Variants in ZFHX3 observed in about 807,000 individuals in gnomAD.
ZFHX3 encodes zinc finger homeobox protein 3.
In ZFHX3, 42 loss-of-function variants were observed where a neutral mutation model predicts 279.1. The ratio of observed to expected loss-of-function variants is 0.15; its 90% CI spans 0.12 to 0.19. The LOEUF is 0.19. ZFHX3 is among the 10% of genes least tolerant of loss of function. ZFHX3 has a pLI of 1.00. For synonymous variants in ZFHX3, 2,293 were observed against 1,957.8 expected, an observed-to-expected ratio of 1.17 and a Z score of -4.52; for missense variants, 4,981 against 4,754.0, an observed-to-expected ratio of 1.05 and a Z score of -1.40.
chr16:73,545,704 G>C (rs1196782443), intron 2 of ZFHX3, among the ~76,000 whole-genome samples: 5 of 151,622 alleles, frequency 3.3e-5, no homozygotes, highest in African/African-American at 1.2e-4. Context: ...GTTTCCTCCT[G>C]GTTGTTATTT....
chr16:73,719,303 G>C (rs1012671043), intron 1 of ZFHX3, among the ~76,000 whole-genome samples: 5 of 152,154 alleles, frequency 3.3e-5, no homozygotes, highest in Admixed American at 2.0e-4. Context: ...GTGAGATCAG[G>C]CTGCTGTCTC....
At chr16:73,355,333 C>G (rs543477326) in intron 3 of ZFHX3, among the ~76,000 whole-genome samples, 5 of 152,142 alleles carry the variant, frequency 3.3e-5, no homozygotes, top group Admixed American at 6.5e-5. Context: ...TAAGAGGAAA[C>G]CTGGCTTAAA....
intron 3 of ZFHX3, among the ~76,000 whole-genome samples, chr16:73,411,747 T>G (rs555752363): frequency 6.6e-6 from 1 of 152,356 alleles, no homozygotes; most frequent in East Asian, 1.9e-4. Flanking sequence ...TGACTGAAGC[T>G]TAGTGCAAGC....
intron 3 of ZFHX3, among the ~76,000 whole-genome samples, chr16:72,922,688 A>C (rs976221598): frequency 6.6e-6 from 1 of 152,162 alleles, no homozygotes; most frequent in African/African-American, 2.4e-5. Flanking sequence ...CTTCCTTTGA[A>C]ATTGCCTTGT....
intron 4 of ZFHX3, among the ~76,000 whole-genome samples, chr16:72,886,010 G>T (rs1204403289): frequency 6.6e-6 from 1 of 152,178 alleles, no homozygotes; most frequent in Non-Finnish European, 1.5e-5. Flanking sequence ...TACAAAATTT[G>T]AAGTTGATCA....
chr16:73,369,479 G>A (rs1286014922), intron 3 of ZFHX3, among the ~76,000 whole-genome samples: 1 of 152,210 alleles, frequency 6.6e-6, no homozygotes, highest in East Asian at 1.9e-4. Flanking sequence ...TACAATCTGT[G>A]GTCTTGGGGA....
intron 3 of ZFHX3, among the ~76,000 whole-genome samples, chr16:73,325,560 A>G (rs1266507283): frequency 6.6e-6 from 1 of 152,148 alleles, no homozygotes; most frequent in South Asian, 2.1e-4. Flanking sequence ...GCTTCAAGGT[A>G]GGTGCGAAGT....
At chr16:73,365,583 T>G (rs2016515327) in intron 3 of ZFHX3, among the ~76,000 whole-genome samples, 1 of 152,212 alleles carries the variant, frequency 6.6e-6, no homozygotes, top group Non-Finnish European at 1.5e-5. Context: ...GAGACTTGGC[T>G]TGATGTCAGC....
At chr16:73,143,544 C>G (rs566286802) in intron 6 of ZFHX3, among the ~76,000 whole-genome samples, 2 of 152,158 alleles carry the variant, frequency 1.3e-5, no homozygotes, top group African/African-American at 4.8e-5. Context: ...TAGAGAAATA[C>G]GGCCCGAAAA....
chr16:73,434,108 A>G (rs1014389080), intron 3 of ZFHX3, among the ~76,000 whole-genome samples: 2 of 152,234 alleles, frequency 1.3e-5, no homozygotes, highest in African/African-American at 4.8e-5. Context: ...TAAACCGCCC[A>G]AACACACACT....
intron 1 of ZFHX3, among the ~76,000 whole-genome samples, chr16:73,834,004 A>G (rs544022274): frequency 6.6e-6 from 1 of 152,180 alleles, no homozygotes; most frequent in African/African-American, 2.4e-5. Flanking sequence ...AATTAAATGA[A>G]TTACACCATG....
At chr16:73,782,172 A>T (rs756100674) in intron 1 of ZFHX3, among the ~76,000 whole-genome samples, 1 of 152,138 alleles carries the variant, frequency 6.6e-6, no homozygotes, top group Non-Finnish European at 1.5e-5. Flanking sequence ...CCGTACACGG[A>T]GCTCCTGTGT....
intron 1 of ZFHX3, among the ~76,000 whole-genome samples, chr16:73,865,613 C>T (rs118164063): frequency 9.0e-4 from 137 of 152,280 alleles, no homozygotes; most frequent in Non-Finnish European, 1.3e-3. Context: ...CCATTGGCAC[C>T]ATGTTCCAGG....
At chr16:73,795,576 T>A (rs1959966080) in intron 1 of ZFHX3, among the ~76,000 whole-genome samples, 1 of 152,126 alleles carries the variant, frequency 6.6e-6, no homozygotes, top group South Asian at 2.1e-4. Flanking sequence ...AACCTTTCTA[T>A]CTCATTAAAA....
At chr16:73,225,225 G>C (rs190735318) in intron 5 of ZFHX3, among the ~76,000 whole-genome samples, 1 of 152,028 alleles carries the variant, frequency 6.6e-6, no homozygotes, top group East Asian at 1.9e-4. Context: ...CTTTTTTTGG[G>C]ACAAATACGG....
intron 2 of ZFHX3, among the ~76,000 whole-genome samples, chr16:73,617,995 T>G (rs2052322473): frequency 6.6e-6 from 1 of 152,196 alleles, no homozygotes; most frequent in Non-Finnish European, 1.5e-5. Flanking sequence ...ATAGAGCCAC[T>G]TCTTTCTACA....
intron 9 of ZFHX3, chr16:72,791,686 G>A (rs933952908): frequency 1.3e-5 from 2 of 152,154 alleles, no homozygotes; most frequent in African/African-American, 4.8e-5. Context: ...AGGGTCCTGG[G>A]CTGCAGGGGT....
At chr16:72,945,037 C>T (rs1474302046) in intron 3 of ZFHX3, among the ~76,000 whole-genome samples, 2 of 151,960 alleles carry the variant, frequency 1.3e-5, no homozygotes, top group Non-Finnish European at 2.9e-5. Context: ...ATATCACTGA[C>T]CTGATCTTCT....
intron 1 of ZFHX3, among the ~76,000 whole-genome samples, chr16:73,838,145 A>G (rs1013104091): frequency 6.6e-6 from 1 of 152,166 alleles, no homozygotes; most frequent in Non-Finnish European, 1.5e-5. Flanking sequence ...TTTTGACTGA[A>G]TTTGGTAAAT....
Sources: allele counts gnomAD v4.1 joint callset (sites outside exome capture counted in the v4.1 genomes callset), GRCh38; gene constraint gnomAD v4.1.1; transcripts MANE v1.5; gene names NCBI Gene and HGNC (gene_info 2026-07-23, HGNC 2026-07-21).